GOLGB1: variants seen among roughly 807,000 people sequenced by gnomAD.
GOLGB1 encodes the protein golgin subfamily B member 1.
In GOLGB1, 174 loss-of-function variants were observed where a neutral mutation model predicts 336.9. The ratio of observed to expected loss-of-function variants is 0.52; its 90% CI spans 0.46 to 0.59. The LOEUF is 0.59. Ranked by LOEUF, GOLGB1 falls within the 20% of genes least tolerant of loss-of-function variation. The probability of loss-of-function intolerance (pLI) is 0.00; values close to 1 mark genes in which losing one functional copy is unlikely to be tolerated. For synonymous variants in GOLGB1, 1,208 were observed against 1,289.2 expected, an observed-to-expected ratio of 0.94 and a Z score of 1.35; for missense variants, 3,331 against 3,645.3, an observed-to-expected ratio of 0.91 and a Z score of 2.22.
chr3:121,689,835 C>G (rs1027006673), intron 14 of GOLGB1, among the ~76,000 whole-genome samples: 2 of 152,182 alleles, frequency 1.3e-5, no homozygotes, highest in African/African-American at 2.4e-5. Context: ...GTAGAATCCC[C>G]TAACAAGCCA....
chr3:121,703,947 C>CA (rs887245804), intron 10 of GOLGB1, among the ~76,000 whole-genome samples: 11 of 149,134 alleles, frequency 7.4e-5, no homozygotes, highest in South Asian at 4.2e-4. Context: ...GTAAAACAAA[C>CA]AAAAAAAAAT....
intron 7 of GOLGB1, among the ~76,000 whole-genome samples, chr3:121,718,908 G>A (rs2108148900): frequency 6.6e-6 from 1 of 152,110 alleles, no homozygotes; most frequent in South Asian, 2.1e-4. Context: ...CATGCACTGG[G>A]CAGGCACTTG....
At chr3:121,688,302 C>T (rs1482963071) in intron 14 of GOLGB1, among the ~76,000 whole-genome samples, 1 of 152,262 alleles carries the variant, frequency 6.6e-6, no homozygotes, top group African/African-American at 2.4e-5. Flanking sequence ...TCTTCTGCCT[C>T]AGCCTGCCGA....
intron 14 of GOLGB1, among the ~76,000 whole-genome samples, chr3:121,689,971 A>C (rs1304018951): frequency 6.6e-6 from 1 of 152,180 alleles, no homozygotes; most frequent in Non-Finnish European, 1.5e-5. Context: ...TTTGCCCCTG[A>C]ATCTTGGGAG....
chr3:121,749,892 T>G (rs531902939), upstream of GOLGB1: 3 of 152,642 alleles, frequency 2.0e-5, no homozygotes, highest in South Asian at 6.2e-4. Context: ...ATGCTCCGCT[T>G]CCTCAAAGAA....
intron 14 of GOLGB1, among the ~76,000 whole-genome samples, chr3:121,682,292 G>A (rs564512763): frequency 2.6e-5 from 4 of 152,148 alleles, no homozygotes; most frequent in Non-Finnish European, 5.9e-5. Flanking sequence ...GTAGCTTAGC[G>A]GATACTGATT....
chr3:121,671,254 GA>G, intron 17 of GOLGB1, among the ~76,000 whole-genome samples: 1 of 152,146 alleles, frequency 6.6e-6, no homozygotes, highest in Non-Finnish European at 1.5e-5. Flanking sequence ...GAACAATTTA[GA>G]CTACATTATG....
chr3:121,674,929 G>A lies in GOLGB1; in HGVS notation c.9177+1964C>T, dbSNP rs535214987. Among the ~76,000 whole-genome samples the A allele has an allele frequency of 1.4e-4, 21 of 146,788 alleles. No homozygotes were observed. In the South Asian group the frequency reaches 3.5e-3, roughly 24 times the overall value. On this transcript the variant is annotated intron_variant, in intron 17 of 21. Coordinates refer to ENST00000614479, the MANE Select transcript of GOLGB1 (RefSeq NM_001366282.2). ...CGGCTCACTGCAAGCTCCGCTTCCC[G>A]GGTTCACGCTATTCTCCTGCCTCAG...
Position 121,677,316 on chromosome 3 carries a change from G to A in GOLGB1, c.9008C>T (p.Thr3003Ile), listed in dbSNP as rs761292110. 4.3e-6 allele frequency: 7 copies of A among 1,611,532 alleles called. No individual in the cohort carries two copies. The East Asian group carries it at 1.6e-4, about 36-fold the overall frequency. The change falls in exon 16 of 22, where the codon ACT becomes ATT. Residue 3003 changes from threonine (T) to isoleucine (I), a missense_variant. Transcript: ENST00000614479. ...TTGGTATTGCACTTTGAGAGGCTGA[G>A]TCTGGGAGGAAGAAGACCTCAATTC... ...IRELRSSSSQ[T>I]QPLKVQYQRQ...
Position 121,677,335 on chromosome 3 carries a change from T to A in GOLGB1, c.8989A>T (p.Arg2997Trp), listed in dbSNP as rs1330321112. 6.2e-7 allele frequency: 1 copy of A among 1,611,218 alleles called. No individual in the cohort carries two copies. ...SHLQNLIREL[R>W]SSSSQTQPLK... is the part of the protein sequence containing the mutation. Reference sequence around the variant, plus strand: ...GGCTGAGTCTGGGAGGAAGAAGACCTCAATTCCCTTATAAGATTCTGCAGA... The same window carrying A: ...GGCTGAGTCTGGGAGGAAGAAGACCACAATTCCCTTATAAGATTCTGCAGA... Residue 2997 changes from arginine (R) to tryptophan (W), a missense_variant, in exon 16 of 22, where the codon AGG becomes TGG. By Grantham distance (101) the Arg-to-Trp change is moderately radical (BLOSUM62 -3). Coordinates refer to ENST00000614479, the MANE Select transcript of GOLGB1 (RefSeq NM_001366282.2).
chr3:121,675,029 G>A (rs1410683392), intron 17 of GOLGB1, among the ~76,000 whole-genome samples: 1 of 151,316 alleles, frequency 6.6e-6, no homozygotes, highest in East Asian at 1.9e-4. Flanking sequence ...GTAGAGACGG[G>A]GTTTCACCTT....
intron 6 of GOLGB1, among the ~76,000 whole-genome samples, 182 bp from the exon 7 acceptor site, chr3:121,719,950 C>T (rs995784353): frequency 1.4e-4 from 22 of 152,118 alleles, no homozygotes; most frequent in Admixed American, 7.2e-4. Context: ...CTATGAAATG[C>T]GAGAGAAAGC....
At position 121,729,259 on chromosome 3, in the gene GOLGB1, T is replaced by G; in HGVS notation, c.331A>C (p.Ile111Leu). 1 of 1,612,946 alleles carries G rather than the reference T, an allele frequency of 6.2e-7. No individual in the cohort carries two copies. Among genetic ancestry groups the G allele is most frequent in the Non-Finnish European group, 8.5e-7 (1 of 1,178,986 alleles). Residue 111 changes from isoleucine (I) to leucine (L), a missense_variant, in exon 4 of 22, where the codon ATA becomes CTA. Coordinates refer to ENST00000614479, the MANE Select transcript of GOLGB1 (RefSeq NM_001366282.2). The stretch of plus-strand genomic sequence containing the variant: ...CCTCCTTGTGCTTTCATTTCTTCTA[T>G]GTATTTATTCAAAGAAGTTAATTTG... ...KAKLTSLNKY[I>L]EEMKAQGGTV...
At chr3:121,681,231 A>G (rs990322357) in intron 15 of GOLGB1, among the ~76,000 whole-genome samples, 1 of 152,228 alleles carries the variant, frequency 6.6e-6, no homozygotes. Flanking sequence ...AAAGGGTTAT[A>G]TACTGCAAGA....
rs756464844 is a variant in GOLGB1, at chr3:121,668,119, C to T, written c.9361G>A (p.Glu3121Lys). 6.2e-7 allele frequency: 1 copy of T among 1,608,286 alleles called. No individual in the cohort carries two copies. The change falls in exon 19 of 22, where the codon GAA (glutamate) becomes AAA (lysine). Residue 3121 changes from glutamate (E) to lysine (K), a missense_variant. Glu to Lys is a moderately conservative substitution (Grantham distance 56). Coordinates refer to ENST00000614479, the MANE Select transcript of GOLGB1 (RefSeq NM_001366282.2). ...NIDVAPGAPQ[E>K]KNGVHRKSDP... ...CTCTTTCTGTGAACTCCATTCTTTT[C>T]CTGGGGAGCTCCTGGAGCAACATCT...
intron 13 of GOLGB1, 150 bp from the exon 14 acceptor site, chr3:121,692,731 C>A: frequency 1.8e-6 from 1 of 561,784 alleles, no homozygotes; most frequent in Non-Finnish European, 3.1e-6. Context: ...GGTATTAATT[C>A]TCTGCACCTA....
intron 17 of GOLGB1, among the ~76,000 whole-genome samples, chr3:121,671,217 C>G (rs1939488602): frequency 6.6e-6 from 1 of 152,206 alleles, no homozygotes; most frequent in Non-Finnish European, 1.5e-5. Flanking sequence ...TTCACTGTAT[C>G]TATACCTGTA....
chr3:121,715,810 C>T (rs1412367675), intron 9 of GOLGB1, among the ~76,000 whole-genome samples: 6 of 151,992 alleles, frequency 3.9e-5, no homozygotes, highest in African/African-American at 1.2e-4. Flanking sequence ...CTGACCAACA[C>T]GGAGAAGCCC....
chr3:121,691,967 G>C lies in GOLGB1; in HGVS notation c.7397C>G (p.Ser2466Cys), dbSNP rs143457471. ...GAGAGAAGACATGGATTTAACAAAG[G>C]AATCCAACTGTGCCTTTTGCTGAAT... ...ENIQQKAQLD[S>C]FVKSMSSLQN... The change falls in exon 14 of 22, where the codon TCC (serine) becomes TGC (cysteine). Residue 2466 changes from serine to cysteine, a missense_variant. By Grantham distance (112) the Ser-to-Cys change is moderately radical. Transcript: ENST00000614479. The C allele has an allele frequency of 1.7e-5, 27 of 1,613,856 alleles. No individual in the cohort carries two copies. The highest frequency in any genetic ancestry group is 4.0e-5 in the African/African-American group (3 of 74,926).
Sources: gnomAD v4.1 joint callset for allele counts (sites outside exome capture counted in the v4.1 genomes callset) on GRCh38, gnomAD v4.1.1 for gene constraint, MANE v1.5 for transcripts, NCBI Gene and HGNC (gene_info 2026-07-23, HGNC 2026-07-21) for gene names.